Variants in PRKG1 observed in about 807,000 individuals in gnomAD.
The protein encoded by PRKG1 is cGMP-dependent protein kinase 1.
A neutral mutation model predicts 88.1 loss-of-function variants in PRKG1; 35 were observed. That is an observed-to-expected ratio of 0.40 (90% CI 0.30 to 0.53). The LOEUF is 0.53. Ranked by LOEUF, PRKG1 falls within the 20% of genes least tolerant of loss-of-function variation. The pLI is 0.59. For synonymous variants in PRKG1, 303 were observed against 292.5 expected, an observed-to-expected ratio of 1.04 and a Z score of -0.37; for missense variants, 540 against 839.8, an observed-to-expected ratio of 0.64 and a Z score of 4.41.
intron 2 of PRKG1, among the ~76,000 whole-genome samples, chr10:51,440,894 A>T (rs1305530410): frequency 1.3e-5 from 2 of 151,986 alleles, no homozygotes; most frequent in Non-Finnish European, 2.9e-5. Flanking sequence ...TCTTATCTTT[A>T]TTTGAAATGA....
chr10:51,489,280 G>T (rs1032491300), intron 3 of PRKG1, among the ~76,000 whole-genome samples: 1 of 152,108 alleles, frequency 6.6e-6, no homozygotes, highest in Non-Finnish European at 1.5e-5. Flanking sequence ...GTAGGCAGAC[G>T]GGACAGGCAT....
chr10:51,065,807 G>A lies in PRKG1; in HGVS notation c.266+74163G>A, dbSNP rs114285240. On this transcript the variant is annotated intron_variant, in intron 1 of 17. Transcript: ENST00000401604. The stretch of plus-strand genomic sequence containing the variant: ...TAATTCTTTGCTTTCATAGTTTACA[G>A]TCTAATGGGAGATGTATCTATCTAA... 5.1e-3 allele frequency among the ~76,000 whole-genome samples: 782 copies of A among 152,228 alleles called. 7 individuals are homozygous for A. Among genetic ancestry groups the A allele is most frequent in the African/African-American group, 0.018 (745 of 41,554 alleles).
intron 2 of PRKG1, among the ~76,000 whole-genome samples, chr10:51,168,846 T>C (rs1001418200): frequency 4.6e-5 from 7 of 152,148 alleles, no homozygotes; most frequent in Admixed American, 1.3e-4. Context: ...AGATCAACAA[T>C]AGGCAAGTCA....
At chr10:52,207,212 G>A (rs980519937) in intron 9 of PRKG1, among the ~76,000 whole-genome samples, 1 of 152,160 alleles carries the variant, frequency 6.6e-6, no homozygotes, top group Non-Finnish European at 1.5e-5. Flanking sequence ...TGGGAAGGCT[G>A]TAGGTGAGTG....
At chr10:51,879,902 C>T (rs1273712548) in intron 4 of PRKG1, among the ~76,000 whole-genome samples, 1 of 152,218 alleles carries the variant, frequency 6.6e-6, no homozygotes, top group Non-Finnish European at 1.5e-5. Context: ...GCCACTATGG[C>T]AAGCAAGGAA....
chr10:51,412,654 T>C (rs2132690769), intron 2 of PRKG1, among the ~76,000 whole-genome samples: 1 of 151,914 alleles, frequency 6.6e-6, no homozygotes, highest in Middle Eastern at 3.4e-3. Context: ...AAACAATAAA[T>C]ATATAAACAA....
intron 3 of PRKG1, among the ~76,000 whole-genome samples, chr10:51,524,416 A>G (rs1485953850): frequency 6.6e-6 from 1 of 152,174 alleles, no homozygotes; most frequent in African/African-American, 2.4e-5. Flanking sequence ...ACTATTCAAA[A>G]CTGCCATTCT....
chr10:51,272,360 G>T (rs1840003898), intron 2 of PRKG1, among the ~76,000 whole-genome samples: 1 of 151,196 alleles, frequency 6.6e-6, no homozygotes, highest in South Asian at 2.1e-4. Flanking sequence ...TTATCGTGGG[G>T]TGGGGGGCTA....
chr10:52,162,086 C>A, intron 9 of PRKG1, 123 bp downstream of exon 9: 1 of 782,992 alleles, frequency 1.3e-6, no homozygotes, highest in Non-Finnish European at 2.0e-6. Context: ...AGTTGAGAGA[C>A]AAAGAAGCAA....
At chr10:52,264,146 A>G (rs1841507737) in intron 10 of PRKG1, among the ~76,000 whole-genome samples, 1 of 150,020 alleles carries the variant, frequency 6.7e-6, no homozygotes, top group Non-Finnish European at 1.5e-5. Context: ...CGTAGAATCT[A>G]AGGCCAGTGT....
In PRKG1 at chr10:52,171,786, A is replaced by ATTTTT. The variant is rs545195374; in HGVS notation, c.1076+9846_1076+9850dup. On this transcript the variant is annotated intron_variant, in intron 9 of 17. Coordinates refer to ENST00000373980, the MANE Select transcript of PRKG1 (RefSeq NM_006258.4). The stretch of plus-strand genomic sequence containing the variant: ...ATAGAAGTATTTTTCTTTTATCAAA[A>ATTTTT]TTTTTTTTTTTTTTTTTTTTTTTTT... 9.6e-4 allele frequency among the ~76,000 whole-genome samples: 90 copies of ATTTTT among 93,838 alleles called. 2 individuals are homozygous for ATTTTT. Among genetic ancestry groups the ATTTTT allele is most frequent in the African/African-American group, 1.4e-3 (33 of 23,428 alleles). The allele number at this position is 93,838 out of a possible 152,430, so 61.6% of individuals were successfully genotyped here. A position where few individuals can be genotyped will look rare whatever the true frequency, so the allele number is the denominator to read the frequency against.
chr10:51,746,916 T>C (rs1005106948), intron 3 of PRKG1, among the ~76,000 whole-genome samples: 1 of 152,136 alleles, frequency 6.6e-6, no homozygotes, highest in East Asian at 1.9e-4. Flanking sequence ...GCTTTGCTGT[T>C]TAATCCTCTG....
chr10:51,667,402 T>C lies in PRKG1; in HGVS notation c.593-137183T>C, dbSNP rs115591186. On this transcript the variant is annotated intron_variant, in intron 3 of 17. Coordinates refer to ENST00000373980, the MANE Select transcript of PRKG1 (RefSeq NM_006258.4). ...ACAGCCTTCCTTCTGTTATTTAGAA[T>C]TGAGAATGCTTTATTCAAGCTAACT... Among the ~76,000 whole-genome samples the C allele has an allele frequency of 3.5e-3, 536 of 152,302 alleles. 1 individual carries two copies. Among genetic ancestry groups the C allele is most frequent in the African/African-American group, 0.012 (499 of 41,576 alleles).
At position 52,266,166 on chromosome 10, in the gene PRKG1, T is replaced by G. The variant is rs552599539; in HGVS notation, c.1174-5184T>G. ...CTTACGTTAGTATGGTACATTTAGT[T>G]AATGAACCAATATTAATGCTTTATT... On this transcript the variant is annotated intron_variant, in intron 10 of 17. Coordinates refer to ENST00000373980, the MANE Select transcript of PRKG1 (RefSeq NM_006258.4). 9.3e-5 allele frequency among the ~76,000 whole-genome samples: 14 copies of G among 150,378 alleles called. No homozygotes were observed. The South Asian group carries it at 2.5e-3, about 27-fold the overall frequency.
chr10:51,568,125 A>G (rs1326172858), intron 3 of PRKG1, among the ~76,000 whole-genome samples: 1 of 152,044 alleles, frequency 6.6e-6, no homozygotes, highest in Non-Finnish European at 1.5e-5. Flanking sequence ...AAAATGCTTC[A>G]CTAGAGTTGC....
chr10:51,071,041 T>C (rs893562567), upstream of PRKG1, among the ~76,000 whole-genome samples: 1 of 152,224 alleles, frequency 6.6e-6, no homozygotes, highest in Non-Finnish European at 1.5e-5. Context: ...AGGTAGACAC[T>C]TCCTAATTAG....
intron 8 of PRKG1, among the ~76,000 whole-genome samples, chr10:52,140,749 A>G (rs536625112): frequency 1.3e-5 from 2 of 152,194 alleles, no homozygotes; most frequent in South Asian, 4.2e-4. Flanking sequence ...GGGGACAGCA[A>G]ACCCTTGCAG....
chr10:51,876,833 C>T (rs562421237), intron 4 of PRKG1, among the ~76,000 whole-genome samples: 21 of 152,150 alleles, frequency 1.4e-4, no homozygotes, highest in South Asian at 8.3e-4. Flanking sequence ...TCCCTTGCAC[C>T]GGGGTGGGAT....
intron 3 of PRKG1, among the ~76,000 whole-genome samples, chr10:51,505,015 A>G (rs1228965255): frequency 2.0e-5 from 3 of 152,194 alleles, no homozygotes; most frequent in African/African-American, 4.8e-5. Flanking sequence ...TATGTTGAAT[A>G]GGAGTGGTGA....
Sources: allele counts gnomAD v4.1 joint callset (sites outside exome capture counted in the v4.1 genomes callset), GRCh38; gene constraint gnomAD v4.1.1; transcripts MANE v1.5; gene names NCBI Gene and HGNC (gene_info 2026-07-23, HGNC 2026-07-21).